CNTNAP4: variants seen among roughly 807,000 people sequenced by gnomAD.
The protein encoded by CNTNAP4 is contactin-associated protein-like 4.
Under a neutral mutation model 148.4 loss-of-function variants are expected in CNTNAP4, and 98 were observed. The ratio of observed to expected loss-of-function variants is 0.66; its 90% CI spans 0.56 to 0.78. CNTNAP4 has a LOEUF of 0.78. Ranked by LOEUF, CNTNAP4 falls within the 30% of genes least tolerant of loss-of-function variation. CNTNAP4 has a pLI of 0.00. For synonymous variants in CNTNAP4, 730 were observed against 565.1 expected (o/e 1.29, Z -4.14); for missense variants, 1,935 against 1,565.6 (o/e 1.24, Z -3.98).
intron 3 of CNTNAP4, among the ~76,000 whole-genome samples, chr16:76,365,014 C>A (rs901898197): frequency 6.6e-6 from 1 of 152,064 alleles, no homozygotes; most frequent in Admixed American, 6.6e-5. Context: ...ATAGGTCTTA[C>A]GTTTAAGTCT....
intron 2 of CNTNAP4, 139 bp from the exon 3 acceptor site, chr16:76,355,179 C>T (rs2012413690): frequency 2.0e-6 from 1 of 493,054 alleles, no homozygotes; most frequent in Non-Finnish European, 3.5e-6. Context: ...CTATATTTTT[C>T]TACAATTATA....
intron 3 of CNTNAP4, among the ~76,000 whole-genome samples, chr16:76,365,703 G>A (rs956724205): frequency 7.2e-6 from 1 of 138,214 alleles, no homozygotes; most frequent in African/African-American, 2.8e-5. Context: ...AGTGAGCTGA[G>A]ATCACGCCAC....
At position 76,390,822 on chromosome 16, in the gene CNTNAP4, G is replaced by A. The variant is rs560000044; in HGVS notation, c.390+35311G>A. 3.3e-5 allele frequency among the ~76,000 whole-genome samples: 5 copies of A among 151,990 alleles called. No individual in the cohort carries two copies. In the East Asian group the frequency reaches 9.7e-4, roughly 29 times the overall value. On this transcript the variant is annotated intron_variant, in intron 3 of 23. Coordinates refer to ENST00000611870, the MANE Select transcript of CNTNAP4 (RefSeq NM_033401.5). ...CACTATAGGACTTTACCCTCCTCAAGTCTTGAATTTCTTTTAATTCTCATT... is the reference window on the plus strand; with the variant it reads ...CACTATAGGACTTTACCCTCCTCAAATCTTGAATTTCTTTTAATTCTCATT...
At chr16:76,406,803 A>G (rs1395886853) in intron 3 of CNTNAP4, among the ~76,000 whole-genome samples, 1 of 152,140 alleles carries the variant, frequency 6.6e-6, no homozygotes, top group Admixed American at 6.6e-5. Context: ...AGAAAGCTGG[A>G]AGCTAGCAGA....
At chr16:76,418,403 AT>A (rs932112830) in intron 3 of CNTNAP4, among the ~76,000 whole-genome samples, 3 of 106,622 alleles carry the variant, frequency 2.8e-5, no homozygotes, top group Admixed American at 1.9e-4. Flanking sequence ...TTATATATAT[AT>A]ATTTTTATTA....
intron 6 of CNTNAP4, 49 bp downstream of exon 6, chr16:76,449,000 G>A: frequency 3.9e-6 from 6 of 1,533,432 alleles, no homozygotes; most frequent in South Asian, 1.2e-5. Context: ...TGTATATGTG[G>A]TTTAATCTCC....
intron 4 of CNTNAP4, among the ~76,000 whole-genome samples, chr16:76,430,359 G>T (rs1194004772): frequency 1.3e-5 from 2 of 152,128 alleles, no homozygotes; most frequent in East Asian, 3.8e-4. Flanking sequence ...GCATGGCAAA[G>T]AAATAGCTAG....
chr16:76,438,696 C>T (rs1372881735), intron 4 of CNTNAP4, among the ~76,000 whole-genome samples: 2 of 152,092 alleles, frequency 1.3e-5, no homozygotes, highest in Non-Finnish European at 2.9e-5. Context: ...CTCTCCTACA[C>T]TCCTAACAGG....
chr16:76,348,420 T>C (rs767579955), intron 2 of CNTNAP4, among the ~76,000 whole-genome samples: 4 of 151,980 alleles, frequency 2.6e-5, no homozygotes, highest in Non-Finnish European at 5.9e-5. Context: ...TTCATCAGGC[T>C]AAGAGAGATC....
chr16:76,418,935 T>A (rs369417170), intron 3 of CNTNAP4, among the ~76,000 whole-genome samples: 1 of 152,198 alleles, frequency 6.6e-6, no homozygotes, highest in East Asian at 1.9e-4. Flanking sequence ...CACTTATTTC[T>A]ATTCCTCCTT....
intron 15 of CNTNAP4, among the ~76,000 whole-genome samples, chr16:76,512,280 C>T (rs1193095975): frequency 6.6e-6 from 1 of 152,068 alleles, no homozygotes; most frequent in East Asian, 1.9e-4. Context: ...TATGATCTAA[C>T]TCAGGTTTTA....
intron 2 of CNTNAP4, among the ~76,000 whole-genome samples, chr16:76,319,519 C>G (rs1481965907): frequency 6.6e-6 from 1 of 152,064 alleles, no homozygotes; most frequent in South Asian, 2.1e-4. Flanking sequence ...AGATTGAAAT[C>G]CTAACCCAAA....
intron 15 of CNTNAP4, 98 bp from the exon 16 acceptor site, chr16:76,521,042 A>T: frequency 8.5e-7 from 1 of 1,169,846 alleles, no homozygotes; most frequent in South Asian, 1.4e-5. Flanking sequence ...TTTAAATAGC[A>T]AAAGTGCTAA....
intron 3 of CNTNAP4, among the ~76,000 whole-genome samples, chr16:76,357,034 A>C (rs181632388): frequency 1.0e-3 from 157 of 149,958 alleles, no homozygotes; most frequent in Non-Finnish European, 1.9e-3. Context: ...AGAGGAAAAA[A>C]AAACAAACAA....
intron 1 of CNTNAP4, among the ~76,000 whole-genome samples, chr16:76,286,110 G>T (rs1379680688): frequency 6.7e-6 from 1 of 149,398 alleles, no homozygotes; most frequent in Non-Finnish European, 1.5e-5. Context: ...ACTGACCAAG[G>T]ACAAAAAAGG....
At chr16:76,354,216 T>C (rs568528191) in intron 2 of CNTNAP4, among the ~76,000 whole-genome samples, 33 of 152,356 alleles carry the variant, frequency 2.2e-4, no homozygotes, top group Middle Eastern at 3.4e-3. Context: ...ACAATGATTA[T>C]ATGTTACTTA....
At chr16:76,287,714 G>C (rs982237537) in intron 1 of CNTNAP4, 5 of 152,214 alleles carry the variant, frequency 3.3e-5, no homozygotes, top group Admixed American at 1.3e-4. Context: ...TAAGGCAGCT[G>C]TTCCCTCTTC....
chr16:76,374,917 G>A (rs2015259454), intron 3 of CNTNAP4, among the ~76,000 whole-genome samples: 1 of 151,844 alleles, frequency 6.6e-6, no homozygotes, highest in Non-Finnish European at 1.5e-5. Context: ...TAAGGTGCCT[G>A]CCACTATGCC....
At chr16:76,388,796 A>G (rs2016720506) in intron 3 of CNTNAP4, among the ~76,000 whole-genome samples, 1 of 152,220 alleles carries the variant, frequency 6.6e-6, no homozygotes, top group Admixed American at 6.5e-5. Context: ...GGAAATGGGA[A>G]TCAGAGACTT....
Sources: allele counts gnomAD v4.1 joint callset (sites outside exome capture counted in the v4.1 genomes callset), GRCh38; gene constraint gnomAD v4.1.1; transcripts MANE v1.5; gene names NCBI Gene and HGNC (gene_info 2026-07-23, HGNC 2026-07-21).